Variants in RXRA observed in about 807,000 individuals in gnomAD.
RXRA encodes retinoic acid receptor RXR-alpha.
Under a neutral mutation model 44.5 loss-of-function variants are expected in RXRA, and 5 were observed. The observed-to-expected ratio is 0.11, with a 90% CI of 0.06 to 0.24. RXRA has a LOEUF of 0.24. RXRA is among the 10% of genes least tolerant of loss of function. The probability of loss-of-function intolerance (pLI) is 1.00; values close to 1 mark genes in which losing one functional copy is unlikely to be tolerated. For synonymous variants in RXRA, 291 were observed against 271.4 expected (o/e 1.07, Z -0.71); for missense variants, 412 against 646.5 (o/e 0.64, Z 3.93).
intron 6 of RXRA, chr9:134,425,541 CAGGGTGG>C: frequency 1.6e-6 from 1 of 627,720 alleles, no homozygotes; most frequent in African/African-American, 4.1e-5. Flanking sequence ...TGCGTGGCGG[CAGGGTGG>C]GGGGTGGGGG....
intron 1 of RXRA, among the ~76,000 whole-genome samples, chr9:134,346,519 G>A (rs1347121576): frequency 6.6e-6 from 1 of 152,148 alleles, no homozygotes; most frequent in Non-Finnish European, 1.5e-5. Flanking sequence ...GGCCGTTCCC[G>A]GGCGTGTTGG....
chr9:134,408,725 G>A (rs539248379), intron 3 of RXRA, among the ~76,000 whole-genome samples: 1 of 152,374 alleles, frequency 6.6e-6, no homozygotes, highest in African/African-American at 2.4e-5. Context: ...GTCCCTGGTG[G>A]GCTGGGATTT....
chr9:134,384,712 C>G (rs563582352), intron 1 of RXRA, among the ~76,000 whole-genome samples: 1 of 152,164 alleles, frequency 6.6e-6, no homozygotes, highest in Non-Finnish European at 1.5e-5. Context: ...CGAGGGTTCT[C>G]TGGCCCTTTT....
intron 9 of RXRA, among the ~76,000 whole-genome samples, chr9:134,434,690 G>C (rs1272414881): frequency 6.6e-6 from 1 of 152,278 alleles, no homozygotes; most frequent in Non-Finnish European, 1.5e-5. Flanking sequence ...TGTGGGCCCT[G>C]GAAGGGCTGG....
chr9:134,412,446 G>T (rs1266796921), intron 4 of RXRA, among the ~76,000 whole-genome samples: 5 of 152,218 alleles, frequency 3.3e-5, no homozygotes, highest in African/African-American at 1.2e-4. Flanking sequence ...TGGCCCAGGT[G>T]CCCCCATGCG....
At chr9:134,353,628 C>T (rs551705172) in intron 1 of RXRA, among the ~76,000 whole-genome samples, 5 of 152,334 alleles carry the variant, frequency 3.3e-5, no homozygotes, top group East Asian at 3.9e-4. Context: ...GCGGGGAGGA[C>T]GTTGGCAGCT....
At chr9:134,345,485 C>A (rs1554748663) in intron 1 of RXRA, among the ~76,000 whole-genome samples, 1 of 152,190 alleles carries the variant, frequency 6.6e-6, no homozygotes, top group Non-Finnish European at 1.5e-5. Context: ...TCAGCCCTGG[C>A]CTTGGTGGCC....
chr9:134,372,554 G>A (rs113311097), intron 1 of RXRA, among the ~76,000 whole-genome samples: 9 of 150,820 alleles, frequency 6.0e-5, no homozygotes, highest in African/African-American at 1.9e-4. Flanking sequence ...AGGCCTCCCC[G>A]TCACCTCAGA....
intron 1 of RXRA, among the ~76,000 whole-genome samples, chr9:134,400,367 C>T (rs1830940004): frequency 6.6e-6 from 1 of 152,194 alleles, no homozygotes; most frequent in African/African-American, 2.4e-5. Context: ...CAGTCATAGC[C>T]ACTCTATGTG....
chr9:134,397,348 C>T (rs560294878), intron 1 of RXRA, among the ~76,000 whole-genome samples: 13 of 152,266 alleles, frequency 8.5e-5, no homozygotes, highest in South Asian at 6.2e-4. Context: ...GCTTAGCCCC[C>T]GACACTCAGG....
chr9:134,429,560 T>C (rs150539966), intron 7 of RXRA, among the ~76,000 whole-genome samples: 1 of 152,310 alleles, frequency 6.6e-6, no homozygotes, highest in Non-Finnish European at 1.5e-5. Flanking sequence ...TGCAGTTTTG[T>C]AAAAGTGTCA....
In RXRA at chr9:134,342,082, C is replaced by T. The variant is rs1176187704; in HGVS notation, c.28+15423C>T. Among the ~76,000 whole-genome samples, 2 of 152,082 alleles carry T rather than the reference C, an allele frequency of 1.3e-5. No individual in the cohort carries two copies. The highest frequency in any genetic ancestry group is 4.8e-5 in the African/African-American group (2 of 41,400). Reference sequence around the variant, plus strand: ...TGCTGGCTGGGGGACATGAAGACCCCGAATGAGGAGGCGTCTCCCTGAAGG... The same window carrying T: ...TGCTGGCTGGGGGACATGAAGACCCTGAATGAGGAGGCGTCTCCCTGAAGG... On this transcript the variant is annotated intron_variant, in intron 1 of 9. Transcript: ENST00000481739. This position sits in a 1 kb window ranked among gnomAD's most constrained non-coding sequence, Gnocchi z 4.4.
At position 134,431,933 on chromosome 9, in the gene RXRA, C is replaced by A; in HGVS notation, c.1072C>A (p.Arg358=). The change falls in exon 8 of 10, where the codon CGG becomes AGG. Residue 358 remains arginine, a synonymous_variant. Transcript: ENST00000481739. ...GCTGACGGAGCTTGTGTCCAAGATG[C>A]GGGACATGCAGATGGACAAGACGGA... ...RVLTELVSKM[R]DMQMDKTELG... is the part of the protein sequence containing the mutation. 6.2e-7 allele frequency: 1 copy of A among 1,613,788 alleles called. No individual in the cohort carries two copies. Among genetic ancestry groups the A allele is most frequent in the African/African-American group, 1.3e-5 (1 of 75,064 alleles).
At chr9:134,431,875 G>C in intron 7 of RXRA, 30 bp from the exon 8 acceptor site, 1 of 1,564,974 alleles carries the variant, frequency 6.4e-7, no homozygotes, top group Non-Finnish European at 8.8e-7. Flanking sequence ...GACCTAACTG[G>C]GATGGGGTGT....
chr9:134,410,708 G>C (rs866006138), intron 4 of RXRA, among the ~76,000 whole-genome samples: 19 of 152,296 alleles, frequency 1.2e-4, no homozygotes, highest in African/African-American at 2.2e-4. Flanking sequence ...GCTGGAGCTG[G>C]GGGGGGAAGG....
At chr9:134,329,163 C>T (rs1834963052) in intron 1 of RXRA, among the ~76,000 whole-genome samples, 1 of 152,258 alleles carries the variant, frequency 6.6e-6, no homozygotes, top group South Asian at 2.1e-4. Flanking sequence ...GGCCCGCTGA[C>T]CACTCTTGGA....
chr9:134,427,161 G>T, intron 6 of RXRA: 1 of 983,688 alleles, frequency 1.0e-6, no homozygotes, highest in Non-Finnish European at 1.2e-6. Flanking sequence ...ATGTTTCATT[G>T]GGCAAAAACA....
chr9:134,404,330 C>G (rs1831014178), intron 2 of RXRA: 1 of 152,546 alleles, frequency 6.6e-6, no homozygotes, highest in South Asian at 2.1e-4. Flanking sequence ...CTTGGGTAGA[C>G]CCAGGCCAGA....
At chr9:134,396,039 C>G (rs1195457575) in intron 1 of RXRA, among the ~76,000 whole-genome samples, 2 of 152,182 alleles carry the variant, frequency 1.3e-5, no homozygotes, top group Non-Finnish European at 2.9e-5. Context: ...GAGAGCCCAC[C>G]CCGCCGAGGG....
Sources: allele counts gnomAD v4.1 joint callset (sites outside exome capture counted in the v4.1 genomes callset), GRCh38; gene constraint gnomAD v4.1.1; non-coding constraint Gnocchi (gnomAD v3.1); transcripts MANE v1.5; gene names NCBI Gene and HGNC (gene_info 2026-07-23, HGNC 2026-07-21).